The following TGIF2 variants were observed in gnomAD, a reference collection of about 807,000 sequenced individuals.
TGIF2 encodes homeobox protein TGIF2.
A neutral mutation model predicts 15.1 loss-of-function variants in TGIF2; 5 were observed. That is an observed-to-expected ratio of 0.33 (90% CI 0.17 to 0.70). The LOEUF (loss-of-function observed/expected upper bound fraction) is 0.70, where lower values mean the gene tolerates loss of function less well. Ranked by LOEUF, TGIF2 falls within the 30% of genes least tolerant of loss-of-function variation. The probability of loss-of-function intolerance (pLI) is 0.67; values close to 1 mark genes in which losing one functional copy is unlikely to be tolerated. For missense variants in TGIF2, 264 were observed against 302.5 expected (o/e 0.87, Z 0.94); for synonymous variants, 131 against 128.9 (o/e 1.02, Z -0.11).
intron 2 of TGIF2, among the ~76,000 whole-genome samples, chr20:36,585,732 T>C (rs549222722): frequency 6.6e-6 from 1 of 152,268 alleles, no homozygotes; most frequent in African/African-American, 2.4e-5. Context: ...TAAAGGATTT[T>C]CACAGGTCCC....
At chr20:36,578,412 CAAAA>C (rs747225580) in intron 1 of TGIF2, among the ~76,000 whole-genome samples, 5 of 92,286 alleles carry the variant, frequency 5.4e-5, no homozygotes, top group Admixed American at 2.4e-4. Flanking sequence ...GAGCCTCTCT[CAAAA>C]AAAAAAAAAA....
intron 2 of TGIF2, among the ~76,000 whole-genome samples, chr20:36,584,119 G>A (rs1035028310): frequency 5.3e-5 from 8 of 151,804 alleles, no homozygotes; most frequent in African/African-American, 1.9e-4. Flanking sequence ...TGACATCACC[G>A]GCCCGTGTCT....
At chr20:36,578,285 A>T (rs892296103) in intron 1 of TGIF2, among the ~76,000 whole-genome samples, 4 of 152,004 alleles carry the variant, frequency 2.6e-5, no homozygotes. Flanking sequence ...ATGGTGGTGC[A>T]TGCCTGTAAT....
chr20:36,581,667 A>AG (rs1257562844), intron 2 of TGIF2, among the ~76,000 whole-genome samples: 1 of 151,994 alleles, frequency 6.6e-6, no homozygotes, highest in Non-Finnish European at 1.5e-5. Flanking sequence ...TTGCTCTGTC[A>AG]CCCAGGCTGG....
chr20:36,579,971 C>T (rs551180346), intron 2 of TGIF2, among the ~76,000 whole-genome samples: 25 of 152,168 alleles, frequency 1.6e-4, no homozygotes, highest in South Asian at 4.1e-4. Context: ...GGAGCAGAGG[C>T]GGGGGACCCT....
chr20:36,592,668 G>A lies in TGIF2; in HGVS notation c.*1237G>A, dbSNP rs538700167. 6.6e-6 allele frequency: 1 copy of A among 152,510 alleles called. No homozygotes were observed. Among genetic ancestry groups the A allele is most frequent in the African/African-American group, 2.4e-5 (1 of 41,556 alleles). 9.4% of individuals were successfully genotyped at this position (152,510 alleles called of 1,614,324 possible). On this transcript the variant is annotated 3_prime_UTR_variant, in exon 3 of 3. Coordinates refer to ENST00000373872, the MANE Select transcript of TGIF2 (RefSeq NM_021809.7). ...TTCAGAGAAGGTGGGGCTGGAAAAG[G>A]GTTAGAAGCCTCCTAGCTGGGATTG...
At chr20:36,573,495 G>A (rs953668131), upstream of TGIF2, 2 of 151,612 alleles carry the variant, frequency 1.3e-5, no homozygotes, top group Non-Finnish European at 2.9e-5. Context: ...CCCGCGGGGG[G>A]TGGGCGCAGC....
intron 2 of TGIF2, among the ~76,000 whole-genome samples, chr20:36,579,264 C>A (rs537947234): frequency 6.6e-6 from 1 of 152,148 alleles, no homozygotes; most frequent in Non-Finnish European, 1.5e-5. Flanking sequence ...CTCCGCCTCC[C>A]GGGTTCGAGT....
chr20:36,590,628 G>C (rs188476142), intron 2 of TGIF2, among the ~76,000 whole-genome samples: 2 of 152,252 alleles, frequency 1.3e-5, no homozygotes, highest in East Asian at 3.9e-4. Context: ...CCAGTGGTGC[G>C]ATCATAGCTC....
intron 2 of TGIF2, among the ~76,000 whole-genome samples, chr20:36,588,483 C>T (rs1027010504): frequency 2.0e-5 from 3 of 150,764 alleles, no homozygotes; most frequent in Non-Finnish European, 2.9e-5. Flanking sequence ...CTCTCAGCCT[C>T]CTGAGTAGCT....
intron 2 of TGIF2, among the ~76,000 whole-genome samples, 178 bp from the exon 3 acceptor site, chr20:36,590,732 C>A (rs1305468636): frequency 6.6e-6 from 1 of 151,940 alleles, no homozygotes; most frequent in Admixed American, 6.6e-5. Context: ...ACCTGGCTAA[C>A]TTCTTTTGTA....
Position 36,591,587 on chromosome 20 carries a change from C to A in TGIF2, c.*156C>A. 1 of 819,514 alleles carries A rather than the reference C, an allele frequency of 1.2e-6. No homozygotes were observed. The highest frequency in any genetic ancestry group is 1.9e-6 in the Non-Finnish European group (1 of 531,162). The allele number at this position is 819,514 out of a possible 1,614,324, so 50.8% of individuals were successfully genotyped here. ...TCAACAGGAAGATGCCAGCTGGCAC[C>A]ACTGCACTGTGATGGGGGCCCTCTC... On this transcript the variant is annotated 3_prime_UTR_variant, in exon 3 of 3. Coordinates refer to ENST00000373872, the MANE Select transcript of TGIF2 (RefSeq NM_021809.7). This position sits in a 1 kb window ranked among gnomAD's most constrained non-coding sequence, Gnocchi z 5.3.
chr20:36,590,237 G>A (rs975901142), intron 2 of TGIF2, among the ~76,000 whole-genome samples: 19 of 152,334 alleles, frequency 1.2e-4, no homozygotes, highest in African/African-American at 4.6e-4. Context: ...AATTACAGGT[G>A]TGAGCCACCG....
rs574266382 is a variant in TGIF2 at position 36,591,656 on chromosome 20, A to C, written c.*225A>C. The C allele has an allele frequency of 2.1e-6, 1 of 478,384 alleles. No individual in the cohort carries two copies. Among genetic ancestry groups the C allele is most frequent in the East Asian group, 3.2e-5 (1 of 30,976 alleles). The allele number at this position is 478,384 out of a possible 1,614,324, so 29.6% of individuals were successfully genotyped here. A position where few individuals can be genotyped will look rare whatever the true frequency, so the allele number is the denominator to read the frequency against. On this transcript the variant is annotated 3_prime_UTR_variant, in exon 3 of 3. Coordinates refer to ENST00000373872, the MANE Select transcript of TGIF2 (RefSeq NM_021809.7). The surrounding 1 kb of genome is among the most constrained non-coding windows in gnomAD (Gnocchi z 5.3). ...TTCTCCAGGCCTCCGCTCAGTGATG[A>C]GACCAAGAGATCGGAGACAAGCATG... is the stretch of plus-strand genomic sequence containing the variant.
At chr20:36,577,912 A>G (rs762862139) in intron 1 of TGIF2, among the ~76,000 whole-genome samples, 18 of 152,126 alleles carry the variant, frequency 1.2e-4, no homozygotes, top group Non-Finnish European at 2.2e-4. Flanking sequence ...GGCTCAAGCA[A>G]TTCTGCCTCA....
intron 1 of TGIF2, among the ~76,000 whole-genome samples, chr20:36,574,297 G>C (rs2038365145): frequency 1.3e-5 from 2 of 152,008 alleles, no homozygotes; most frequent in Admixed American, 6.5e-5. Flanking sequence ...CCAAGGAAGC[G>C]GGGCGCGTGG....
chr20:36,576,177 T>C (rs1197662244), intron 1 of TGIF2, among the ~76,000 whole-genome samples: 1 of 151,984 alleles, frequency 6.6e-6, no homozygotes, highest in African/African-American at 2.4e-5. Context: ...AGCAGCTGAG[T>C]TGGGTTATCT....
intron 1 of TGIF2, among the ~76,000 whole-genome samples, 163 bp downstream of exon 1, chr20:36,573,908 GGTGTTT>G (rs1426468100): frequency 6.6e-6 from 1 of 151,692 alleles, no homozygotes; most frequent in Admixed American, 6.5e-5. Context: ...GCCCCCGGGG[GGTGTTT>G]GTGAGTCCCG....
rs186240598 is a variant in TGIF2 at position 36,592,141 on chromosome 20, G to C, written c.*710G>C. 4.8e-3 allele frequency: 732 copies of C among 151,378 alleles called. 3 individuals are homozygous for C. The highest frequency in any genetic ancestry group is 0.02 in the Middle Eastern group (6 of 294). 9.4% of individuals were successfully genotyped at this position (151,378 alleles called of 1,614,324 possible). A position where few individuals can be genotyped will look rare whatever the true frequency, so the allele number is the denominator to read the frequency against. The stretch of plus-strand genomic sequence containing the variant: ...AATTCCAAATGGTTGTTTTATCATT[G>C]GTTTGGTTTACCAAAAAAAAGGCAG... On this transcript the variant is annotated 3_prime_UTR_variant, in exon 3 of 3. Transcript: ENST00000373872.
Sources: gnomAD v4.1 joint callset for allele counts (sites outside exome capture counted in the v4.1 genomes callset) on GRCh38, gnomAD v4.1.1 for gene constraint, Gnocchi (gnomAD v3.1) non-coding constraint, MANE v1.5 for transcripts, NCBI Gene and HGNC (gene_info 2026-07-23, HGNC 2026-07-21) for gene names.